ABCB7: variants seen among roughly 807,000 people sequenced by gnomAD.
ABCB7 encodes ATP binding cassette subfamily B member 7.
A neutral mutation model predicts 54.4 loss-of-function variants in ABCB7; 7 were observed. The observed-to-expected ratio is 0.13, with a 90% CI of 0.07 to 0.24. The LOEUF is 0.24. Among genes scored for constraint, ABCB7 ranks in the 10% least tolerant of loss-of-function variants. The probability of loss-of-function intolerance (pLI) is 1.00; values close to 1 mark genes in which losing one functional copy is unlikely to be tolerated. For synonymous variants in ABCB7, 218 were observed against 207.1 expected (o/e 1.05, Z -0.45); for missense variants, 356 against 570.4 (o/e 0.62, Z 3.83).
intron 3 of ABCB7, among the ~76,000 whole-genome samples, chrX:75,111,725 C>T (rs895265056): frequency 7.1e-5 from 8 of 112,536 alleles, no homozygotes; most frequent in Non-Finnish European, 1.5e-4. Flanking sequence ...TAAAGTATTA[C>T]GATGAGTGTT....
At chrX:75,075,301 A>G (rs1368373461) in intron 6 of ABCB7, 61 bp downstream of exon 6, 1 of 1,155,362 alleles carries the variant, frequency 8.7e-7, no homozygotes, top group Non-Finnish European at 1.2e-6. Flanking sequence ...AGCTTCAAAT[A>G]TTCAATTGCT....
chrX:75,129,853 A>G (rs755955669), intron 1 of ABCB7, among the ~76,000 whole-genome samples: 18 of 111,333 alleles, frequency 1.6e-4, no homozygotes, highest in Non-Finnish European at 2.6e-4. Context: ...AGTAATGAAC[A>G]ACAGTGGCTA....
At position 75,068,909 on chromosome X, in the gene ABCB7, A is replaced by G. The variant is rs1416634646; in HGVS notation, c.1659+98T>C. 8.2e-6 allele frequency: 8 copies of G among 974,862 alleles called. No homozygotes were observed. The African/African-American group carries it at 1.5e-4, about 19-fold the overall frequency. The allele number at this position is 974,862 out of a possible 1,213,427, so 80.3% of individuals were successfully genotyped here. On this transcript the variant is annotated intron_variant, in intron 12 of 15. Transcript: ENST00000373394. ...GGTAGGGTCTAATACTGACTACTTCAGTAGCATATGTTGATCCCTTGATTC... is the reference window on the plus strand; with the variant it reads ...GGTAGGGTCTAATACTGACTACTTCGGTAGCATATGTTGATCCCTTGATTC...
intron 1 of ABCB7, among the ~76,000 whole-genome samples, chrX:75,127,008 A>G (rs1307673856): frequency 8.9e-6 from 1 of 111,732 alleles, no homozygotes; most frequent in Non-Finnish European, 1.9e-5. Flanking sequence ...ACTGCTTCTA[A>G]AACTATTCCA....
intron 4 of ABCB7, among the ~76,000 whole-genome samples, chrX:75,079,762 T>C (rs1401896367): frequency 9.0e-6 from 1 of 111,551 alleles, no homozygotes; most frequent in African/African-American, 3.3e-5. Context: ...CTATGCAATT[T>C]TACCGCACGT....
At chrX:75,071,476 A>G (rs1479601049) in intron 9 of ABCB7, 33 bp downstream of exon 9, 2 of 1,198,894 alleles carry the variant, frequency 1.7e-6, no homozygotes, top group Non-Finnish European at 2.3e-6. Flanking sequence ...AAAGTTGAAC[A>G]GCCTGTAAAT....
At chrX:75,140,037 T>C (rs1436204438) in intron 1 of ABCB7, among the ~76,000 whole-genome samples, 1 of 110,898 alleles carries the variant, frequency 9.0e-6, no homozygotes, top group Non-Finnish European at 1.9e-5. Flanking sequence ...TGGAGAAAAA[T>C]ACTAGATTAT....
intron 15 of ABCB7, among the ~76,000 whole-genome samples, chrX:75,054,244 C>T (rs2081218023): frequency 8.9e-6 from 1 of 111,992 alleles, no homozygotes; most frequent in South Asian, 3.7e-4. Flanking sequence ...AAGACTTTTA[C>T]AATAAACCCT....
intron 15 of ABCB7, among the ~76,000 whole-genome samples, chrX:75,058,549 A>G (rs2081259384): frequency 8.9e-6 from 1 of 111,971 alleles, no homozygotes; most frequent in African/African-American, 3.2e-5. Flanking sequence ...CTAAGGTCAT[A>G]TTAGTTTCAC....
At chrX:75,145,316 C>T (rs1056087664) in intron 1 of ABCB7, among the ~76,000 whole-genome samples, 6 of 110,845 alleles carry the variant, frequency 5.4e-5, no homozygotes, top group East Asian at 2.8e-4. Flanking sequence ...TGAACACTAA[C>T]GCAAAAATCC....
chrX:75,055,207 T>C (rs2081227532), intron 15 of ABCB7, among the ~76,000 whole-genome samples: 1 of 110,938 alleles, frequency 9.0e-6, no homozygotes, highest in East Asian at 2.8e-4. Flanking sequence ...TATATGCTTC[T>C]CCTAGTTTGG....
At chrX:75,053,818 A>G (rs997225296) in intron 15 of ABCB7, among the ~76,000 whole-genome samples, 5 of 111,889 alleles carry the variant, frequency 4.5e-5, no homozygotes, top group African/African-American at 6.5e-5. Flanking sequence ...CTAATACCAT[A>G]AACACCATTT....
At chrX:75,089,451 C>A (rs1183459705) in intron 4 of ABCB7, among the ~76,000 whole-genome samples, 2 of 110,178 alleles carry the variant, frequency 1.8e-5, no homozygotes, top group African/African-American at 6.6e-5. Context: ...TGTGTACCAC[C>A]CCCATGAAGC....
chrX:75,067,570 C>T (rs1225519786), intron 12 of ABCB7, among the ~76,000 whole-genome samples: 4 of 110,734 alleles, frequency 3.6e-5, no homozygotes, highest in East Asian at 2.8e-4. Flanking sequence ...CTGCAACCTC[C>T]GCCTCCTGGG....
At chrX:75,135,155 G>A (rs1199581527) in intron 1 of ABCB7, among the ~76,000 whole-genome samples, 4 of 107,172 alleles carry the variant, frequency 3.7e-5, no homozygotes, top group Non-Finnish European at 3.9e-5. Context: ...TGTCGACCCC[G>A]CAGATATTAA....
Position 75,112,883 on chromosome X carries a change from T to C in ABCB7, c.333+3A>G. On this transcript the variant is annotated splice_donor_region_variant and intron_variant, in intron 3 of 15. Coordinates refer to ENST00000373394, the MANE Select transcript of ABCB7 (RefSeq NM_001271696.3). ...TTTCCAGTTACTTGTTACTGGCTCT[T>C]ACCCCTTCTTTTGGGTCTGTGTGGA... The C allele has an allele frequency of 8.3e-7, 1 of 1,204,198 alleles. No individual in the cohort carries two copies. The highest frequency in any genetic ancestry group is 1.8e-5 in the South Asian group (1 of 56,772).
intron 4 of ABCB7, among the ~76,000 whole-genome samples, chrX:75,081,168 A>G (rs891883079): frequency 8.9e-6 from 1 of 112,187 alleles, no homozygotes; most frequent in Non-Finnish European, 1.9e-5. Context: ...TTAAAAAATC[A>G]TATCAAGAAC....
intron 14 of ABCB7, 118 bp downstream of exon 14, chrX:75,062,210 C>A: frequency 1.6e-6 from 1 of 614,336 alleles, no homozygotes; most frequent in South Asian, 2.7e-5. Flanking sequence ...AGGCATTTTG[C>A]TCTATAGCAC....
chrX:75,154,455 C>G (rs2082157814), intron 1 of ABCB7, among the ~76,000 whole-genome samples: 1 of 111,787 alleles, frequency 8.9e-6, no homozygotes, highest in African/African-American at 3.3e-5. Context: ...AAACCATTCC[C>G]AAGAGATCAT....
Sources: gnomAD v4.1 joint callset for allele counts (sites outside exome capture counted in the v4.1 genomes callset) on GRCh38, gnomAD v4.1.1 for gene constraint, MANE v1.5 for transcripts, NCBI Gene and HGNC (gene_info 2026-07-23, HGNC 2026-07-21) for gene names.